ERICH3: variants seen among roughly 807,000 people sequenced by gnomAD.
The protein encoded by ERICH3 is glutamate-rich protein 3.
Under a neutral mutation model 131.1 loss-of-function variants are expected in ERICH3, and 126 were observed. That is an observed-to-expected ratio of 0.96 (90% confidence interval 0.83 to 1.11). ERICH3 has a LOEUF of 1.11. Ranked by LOEUF, ERICH3 falls within the 50% of genes most tolerant of loss-of-function variation. The probability of loss-of-function intolerance (pLI) is 0.00; values close to 1 mark genes in which losing one functional copy is unlikely to be tolerated. For missense variants in ERICH3, 2,050 were observed against 1,810.7 expected (o/e 1.13, Z -2.40); for synonymous variants, 695 against 644.6 (o/e 1.08, Z -1.18).
In ERICH3 at chr1:74,573,132, C is replaced by T. The variant is rs894153165; in HGVS notation, c.2578G>A (p.Gly860Arg). Reference protein sequence around the residue: ...RLGEGGSDPIGQAAAKDAVGL... With the variant: ...RLGEGGSDPIRQAAAKDAVGL... The stretch of plus-strand genomic sequence containing the variant: ...ACAGCATCTTTTGCTGCTGCTTGTC[C>T]TATGGGGTCTGACCCCCCTTCACCC... Residue 860 changes from glycine to arginine, a missense_variant, in exon 14 of 15, where the codon GGA becomes AGA. Coordinates refer to ENST00000326665, the MANE Select transcript of ERICH3 (RefSeq NM_001002912.5). 1 of 1,613,642 alleles carries T rather than the reference C, an allele frequency of 6.2e-7. No individual in the cohort carries two copies. Among genetic ancestry groups the T allele is most frequent in the South Asian group, 1.1e-5 (1 of 90,970 alleles).
intron 11 of ERICH3, among the ~76,000 whole-genome samples, chr1:74,596,296 T>C (rs1464652803): frequency 6.6e-6 from 1 of 152,072 alleles, no homozygotes; most frequent in Admixed American, 6.6e-5. Flanking sequence ...CTAATCTTTC[T>C]CAAAAGGAGC....
chr1:74,597,314 T>C (rs550035732), intron 11 of ERICH3, among the ~76,000 whole-genome samples: 98 of 150,590 alleles, frequency 6.5e-4, no homozygotes, highest in South Asian at 1.1e-3. Context: ...GACGATGGAG[T>C]AAAAAAAAAC....
At chr1:74,641,257 A>T in intron 5 of ERICH3, 74 bp downstream of exon 5, 1 of 1,542,116 alleles carries the variant, frequency 6.5e-7, no homozygotes, top group Non-Finnish European at 8.8e-7. Flanking sequence ...CCCAGAGAGT[A>T]TCCCTTCTGA....
intron 10 of ERICH3, among the ~76,000 whole-genome samples, chr1:74,604,920 A>G (rs1012715877): frequency 1.1e-4 from 17 of 151,936 alleles, no homozygotes; most frequent in African/African-American, 4.1e-4. Context: ...GAGTCAGCCT[A>G]TCCTTTGAAG....
At chr1:74,654,444 A>G (rs989443539) in intron 1 of ERICH3, among the ~76,000 whole-genome samples, 7 of 151,916 alleles carry the variant, frequency 4.6e-5, no homozygotes, top group Non-Finnish European at 1.0e-4. Flanking sequence ...GGGCTGCTCT[A>G]ACAGAATACC....
Position 74,569,531 on chromosome 1 carries a change from A to C in ERICH3, c.*927T>G, listed in dbSNP as rs1646911762. ...TTAGTTCACAGGTTTGAAATAACAGAACTTGGGAAGGTGAGCAGCACACTC... is the reference window on the plus strand; with the variant it reads ...TTAGTTCACAGGTTTGAAATAACAGCACTTGGGAAGGTGAGCAGCACACTC... On this transcript the variant is annotated 3_prime_UTR_variant, in exon 15 of 15. Coordinates refer to ENST00000326665, the MANE Select transcript of ERICH3 (RefSeq NM_001002912.5). The C allele has an allele frequency of 6.6e-6, 1 of 152,192 alleles. No homozygotes were observed. Among genetic ancestry groups the C allele is most frequent in the South Asian group, 2.1e-4 (1 of 4,830 alleles). 9.4% of individuals were successfully genotyped at this position (152,192 alleles called of 1,614,324 possible).
chr1:74,572,577 C>A lies in ERICH3; in HGVS notation c.3133G>T (p.Asp1045Tyr), dbSNP rs1646973442. The A allele has an allele frequency of 1.9e-5, 31 of 1,613,886 alleles. No individual in the cohort carries two copies. In the East Asian group the frequency reaches 6.9e-4, roughly 36 times the overall value. Residue 1045 changes from aspartate (D) to tyrosine (Y), a missense_variant, in exon 14 of 15, where the codon GAT becomes TAT. Transcript: ENST00000326665. ...VTEAEANRED[D>Y]RKEILPKELD... ...TCCTTGGGTAAAATTTCTTTCCTAT[C>A]ATCTTCCCTATTAGCTTCTGCCTCA...
In ERICH3 at chr1:74,570,160, C is replaced by T. The variant is rs1223263409; in HGVS notation, c.*298G>A. ...TAAAAGTCAAGCATCTGAAAATTAT[C>T]ATTTTTGTTTGAAAATAATGTTAGG... is the stretch of plus-strand genomic sequence containing the variant. On this transcript the variant is annotated 3_prime_UTR_variant, in exon 15 of 15. Coordinates refer to ENST00000326665, the MANE Select transcript of ERICH3 (RefSeq NM_001002912.5). The T allele has an allele frequency of 6.6e-6, 1 of 152,202 alleles. No individual in the cohort carries two copies. The highest frequency in any genetic ancestry group is 1.5e-5 in the Non-Finnish European group (1 of 68,044). 9.4% of individuals were successfully genotyped at this position (152,202 alleles called of 1,614,324 possible).
chr1:74,580,004 T>A (rs1647149207), intron 12 of ERICH3: 2 of 550,030 alleles, frequency 3.6e-6, no homozygotes, highest in Non-Finnish European at 4.6e-6. Context: ...AGCTTTTTAG[T>A]ATAAAAACAA....
chr1:74,609,194 G>A (rs1216762426), intron 9 of ERICH3, among the ~76,000 whole-genome samples: 2 of 152,010 alleles, frequency 1.3e-5, no homozygotes, highest in African/African-American at 4.8e-5. Context: ...ATAATTGAGA[G>A]ATGAGTACAG....
chr1:74,670,703 A>G (rs1287240217), intron 1 of ERICH3, among the ~76,000 whole-genome samples: 1 of 152,172 alleles, frequency 6.6e-6, no homozygotes, highest in Non-Finnish European at 1.5e-5. Flanking sequence ...AAATCAGTGC[A>G]CCTTGAAAAA....
chr1:74,612,331 C>T (rs1031270465), intron 9 of ERICH3, among the ~76,000 whole-genome samples: 1 of 152,170 alleles, frequency 6.6e-6, no homozygotes, highest in African/African-American at 2.4e-5. Context: ...TATCTCTCTC[C>T]TTCCCTTCAG....
Position 74,589,819 on chromosome 1 carries a change from T to G in ERICH3, c.1988A>C (p.Glu663Ala), listed in dbSNP as rs747249164. 6.2e-6 allele frequency: 10 copies of G among 1,614,134 alleles called. No individual in the cohort carries two copies. The highest frequency in any genetic ancestry group is 8.5e-6 in the Non-Finnish European group (10 of 1,179,990). ...TTCTTTAAGAACATTCTCAAAGCTT[T>G]CGTCTATTGGCATCGGCTTGGTCTC... ...DVETKPMPIDESFENVLKEGT... is the reference protein window; with the variant it reads ...DVETKPMPIDASFENVLKEGT... The change falls in exon 12 of 15, where the codon GAA (glutamate) becomes GCA (alanine). Residue 663 changes from glutamate (E) to alanine (A), a missense_variant. Coordinates refer to ENST00000326665, the MANE Select transcript of ERICH3 (RefSeq NM_001002912.5).
At chr1:74,602,202 C>T (rs543057068) in intron 10 of ERICH3, among the ~76,000 whole-genome samples, 3 of 151,972 alleles carry the variant, frequency 2.0e-5, no homozygotes, top group South Asian at 2.1e-4. Flanking sequence ...GTCCCAGCAT[C>T]GTATTTTGTG....
intron 8 of ERICH3, among the ~76,000 whole-genome samples, chr1:74,619,724 T>C (rs1649132720): frequency 6.6e-6 from 1 of 152,196 alleles, no homozygotes; most frequent in East Asian, 1.9e-4. Flanking sequence ...ACAAGGTAAA[T>C]TGCATTCCTA....
chr1:74,580,012 C>G (rs1423306793), intron 12 of ERICH3: 1 of 486,312 alleles, frequency 2.1e-6, no homozygotes, highest in Non-Finnish European at 2.7e-6. Context: ...AGTATAAAAA[C>G]AAATATATTT....
intron 11 of ERICH3, among the ~76,000 whole-genome samples, chr1:74,599,271 A>C (rs1648004387): frequency 6.6e-6 from 1 of 151,936 alleles, no homozygotes; most frequent in Non-Finnish European, 1.5e-5. Context: ...ATAGTTACAG[A>C]GACATTTGTT....
At chr1:74,579,376 C>T (rs1393725677) in intron 12 of ERICH3, 48 of 984,408 alleles carry the variant, frequency 4.9e-5, no homozygotes, top group Middle Eastern at 5.2e-4. Flanking sequence ...CCAAACAATA[C>T]TAACATCATC....
At chr1:74,599,562 C>T (rs1278114846) in intron 11 of ERICH3, 133 bp downstream of exon 11, 6 of 766,218 alleles carry the variant, frequency 7.8e-6, no homozygotes, top group South Asian at 5.8e-5. Flanking sequence ...TCACATGTAC[C>T]CCTTATTTAA....
Sources: allele counts gnomAD v4.1 joint callset (sites outside exome capture counted in the v4.1 genomes callset), GRCh38; gene constraint gnomAD v4.1.1; transcripts MANE v1.5; gene names NCBI Gene and HGNC (gene_info 2026-07-23, HGNC 2026-07-21).